Variants in LCORL observed in about 807,000 individuals in gnomAD.
LCORL encodes ligand dependent nuclear receptor corepressor like.
In LCORL, 41 loss-of-function variants were observed where a neutral mutation model predicts 141.8. That is an observed-to-expected ratio of 0.29 (90% CI 0.23 to 0.38). The LOEUF (loss-of-function observed/expected upper bound fraction) is 0.38. Among genes scored for constraint, LCORL ranks in the 10% least tolerant of loss-of-function variants. The pLI is 1.00. For missense variants in LCORL, 1,759 were observed against 2,035.0 expected, an observed-to-expected ratio of 0.86 and a Z score of 2.61; for synonymous variants, 618 against 694.1, an observed-to-expected ratio of 0.89 and a Z score of 1.72.
chr4:17,875,742 T>C, exon 7 of LCORL: 1 of 1,231,228 alleles, frequency 8.1e-7, no homozygotes, highest in Non-Finnish European at 1.0e-6. Flanking sequence ...GGGACCTATT[T>C]TTTTTGGTCT....
exon 8 of LCORL, chr4:17,842,183 AGTAGGAGATACAT>A: frequency 4.3e-6 from 3 of 701,320 alleles, no homozygotes; most frequent in Non-Finnish European, 7.3e-6. Flanking sequence ...GGCTAGAACA[AGTAGGAGATACAT>A]GTGTTGAAAG....
At chr4:17,942,363 C>T (rs1003679749) in intron 4 of LCORL, among the ~76,000 whole-genome samples, 5 of 152,010 alleles carry the variant, frequency 3.3e-5, no homozygotes, top group Non-Finnish European at 5.9e-5. Context: ...GAAAGGTAAA[C>T]TGAGGAATTA....
In LCORL at chr4:17,950,585, C is replaced by A. The variant is rs6845078; in HGVS notation, c.430+11318G>T. On this transcript the variant is annotated intron_variant, in intron 4 of 7. Transcript: ENST00000635767. ...ATCACTGCAAACAATGAATGGAGTA[C>A]GGAAGAATCCAGTACATATTTTGCT... Among the ~76,000 whole-genome samples the A allele has an allele frequency of 1.4e-3, 210 of 151,926 alleles. No homozygotes were observed. In the Middle Eastern group the frequency reaches 0.027, roughly 20 times the overall value.
At chr4:17,862,057 C>T (rs113193621) in intron 7 of LCORL, among the ~76,000 whole-genome samples, 7,401 of 152,266 alleles carry the variant, frequency 0.049, 610 homozygotes, top group African/African-American at 0.17. Flanking sequence ...CCAACCTCTG[C>T]CTGTTACCCA....
chr4:17,951,487 T>C (rs980619553), intron 4 of LCORL, among the ~76,000 whole-genome samples: 2 of 152,224 alleles, frequency 1.3e-5, no homozygotes, highest in African/African-American at 4.8e-5. Context: ...GAAATATATT[T>C]CTCCTAAGAT....
intron 5 of LCORL, among the ~76,000 whole-genome samples, chr4:17,901,063 C>CT (rs1281780748): frequency 1.7e-4 from 26 of 151,364 alleles, no homozygotes; most frequent in East Asian, 1.6e-3. Context: ...ATGTATTGTT[C>CT]TTTTTTTTAA....
At chr4:17,848,974 G>A (rs1346423303) in intron 7 of LCORL, among the ~76,000 whole-genome samples, 1 of 152,200 alleles carries the variant, frequency 6.6e-6, no homozygotes, top group African/African-American at 2.4e-5. Context: ...AGCGAGGCTG[G>A]GGGAGGGGCG....
intron 6 of LCORL, chr4:17,882,156 T>TTAC: frequency 1.0e-6 from 1 of 983,806 alleles, no homozygotes; most frequent in Non-Finnish European, 1.2e-6. Context: ...CTCTTTAGTA[T>TTAC]TACACGTATA....
chr4:17,894,249 T>C (rs73098816), intron 5 of LCORL, among the ~76,000 whole-genome samples: 9,688 of 152,274 alleles, frequency 0.064, 571 homozygotes, highest in African/African-American at 0.16. Context: ...AGTTGAACCA[T>C]CTTAAGTTGA....
At chr4:17,926,740 C>T (rs370233605) in intron 4 of LCORL, among the ~76,000 whole-genome samples, 104 of 152,296 alleles carry the variant, frequency 6.8e-4, no homozygotes, top group African/African-American at 2.3e-3. Flanking sequence ...TTTTAGTGAA[C>T]GCTAATACAG....
At chr4:17,912,138 T>C (rs1222150602) in intron 4 of LCORL, 2 of 973,104 alleles carry the variant, frequency 2.1e-6, no homozygotes, top group Non-Finnish European at 3.3e-6. Flanking sequence ...CTGTGGACAA[T>C]GCCCGCATTG....
chr4:17,914,962 C>T (rs986528826), intron 4 of LCORL, among the ~76,000 whole-genome samples: 2 of 152,188 alleles, frequency 1.3e-5, no homozygotes, highest in Admixed American at 1.3e-4. Context: ...CAATAGCGTA[C>T]TGCCCAAGTA....
intron 5 of LCORL, among the ~76,000 whole-genome samples, chr4:17,899,285 T>A (rs939836812): frequency 6.6e-6 from 1 of 152,206 alleles, no homozygotes; most frequent in Admixed American, 6.5e-5. Flanking sequence ...TGTTTATACA[T>A]TGAAATTTGG....
intron 7 of LCORL, among the ~76,000 whole-genome samples, chr4:17,864,922 C>T (rs145388617): frequency 2.2e-4 from 33 of 152,044 alleles, no homozygotes; most frequent in African/African-American, 6.0e-4. Context: ...AATTTCATAA[C>T]GATAAAAAAG....
intron 1 of LCORL, among the ~76,000 whole-genome samples, chr4:17,988,094 G>C (rs1177284454): frequency 6.6e-6 from 1 of 152,116 alleles, no homozygotes. Flanking sequence ...TCTGATATTT[G>C]ATGCTTTTAA....
chr4:17,907,153 A>T (rs2109318958), intron 5 of LCORL, among the ~76,000 whole-genome samples: 1 of 152,276 alleles, frequency 6.6e-6, no homozygotes, highest in South Asian at 2.1e-4. Flanking sequence ...AACTCAACTC[A>T]CTGGACCATT....
exon 7 of LCORL, chr4:17,877,310 T>G: frequency 8.2e-7 from 1 of 1,226,620 alleles, no homozygotes; most frequent in Non-Finnish European, 1.0e-6. Flanking sequence ...AATCATTATA[T>G]GTATTATAAT....
intron 1 of LCORL, among the ~76,000 whole-genome samples, chr4:17,984,436 C>T (rs1718583754): frequency 2.6e-5 from 4 of 152,010 alleles, no homozygotes; most frequent in African/African-American, 9.7e-5. Flanking sequence ...ATTACTGATT[C>T]AATTTAGGAG....
chr4:17,950,236 T>TGTA (rs1449102639), intron 4 of LCORL, among the ~76,000 whole-genome samples: 9 of 152,192 alleles, frequency 5.9e-5, no homozygotes, highest in African/African-American at 2.2e-4. Flanking sequence ...TTCATGATGT[T>TGTA]GTACAGAACC....
Sources: gnomAD v4.1 joint callset for allele counts (sites outside exome capture counted in the v4.1 genomes callset) on GRCh38, gnomAD v4.1.1 for gene constraint, MANE v1.5 for transcripts, NCBI Gene and HGNC (gene_info 2026-07-23, HGNC 2026-07-21) for gene names.